The following XKR5 variants were observed in gnomAD, a reference collection of about 807,000 sequenced individuals.
XKR5 encodes the protein XK-related protein 5.
XKR5 carries 46 observed loss-of-function variants against 40.8 expected under a neutral mutation model. That is an observed-to-expected ratio of 1.13 (90% CI 0.89 to 1.44). The LOEUF is 1.44. Ranked by LOEUF, XKR5 falls within the 40% of genes most tolerant of loss-of-function variation. XKR5 has a pLI of 0.00. For synonymous variants in XKR5, 466 were observed against 356.1 expected, an observed-to-expected ratio of 1.31 and a Z score of -3.48; for missense variants, 1,169 against 844.7, an observed-to-expected ratio of 1.38 and a Z score of -4.76.
chr8:6,832,470 AAG>A (rs1340987380), intron 2 of XKR5, among the ~76,000 whole-genome samples: 1 of 152,206 alleles, frequency 6.6e-6, no homozygotes, highest in Non-Finnish European at 1.5e-5. Flanking sequence ...ATCTGAAGAC[AAG>A]AAAAAGCCTT....
In XKR5 at chr8:6,815,464, C is replaced by T. The variant is rs527245924; in HGVS notation, c.919+343G>A. Among the ~76,000 whole-genome samples the T allele has an allele frequency of 5.3e-5, 8 of 152,190 alleles. 1 individual carries two copies. Among genetic ancestry groups the T allele is most frequent in the African/African-American group, 1.9e-4 (8 of 41,530 alleles). ...GCTTGTCTATGGGCTGCAGGGGGTG[C>T]CATGTCAGGAAGATGTGAGGAGCTC... is the stretch of plus-strand genomic sequence containing the variant. On this transcript the variant is annotated intron_variant, in intron 6 of 6. Transcript: ENST00000618742.
At chr8:6,834,748 C>A (rs765731826) in intron 1 of XKR5, among the ~76,000 whole-genome samples, 2 of 152,342 alleles carry the variant, frequency 1.3e-5, no homozygotes, top group East Asian at 3.9e-4. Flanking sequence ...GACGCTCCTC[C>A]CGGCACTGAA....
At chr8:6,824,606 C>G (rs372539469) in intron 3 of XKR5, among the ~76,000 whole-genome samples, 4 of 152,188 alleles carry the variant, frequency 2.6e-5, no homozygotes, top group Admixed American at 6.5e-5. Flanking sequence ...TCATGACTCA[C>G]TGCAGCCTCA....
intron 2 of XKR5, among the ~76,000 whole-genome samples, chr8:6,826,273 T>G (rs984133532): frequency 6.6e-6 from 1 of 152,230 alleles, no homozygotes; most frequent in South Asian, 2.1e-4. Flanking sequence ...TGCATGAAGG[T>G]ATATGTGTGT....
chr8:6,812,376 T>C (rs190124498), intron 6 of XKR5, 37 bp from the exon 7 acceptor site: 2 of 1,497,860 alleles, frequency 1.3e-6, no homozygotes, highest in East Asian at 4.9e-5. Flanking sequence ...GTTATGTTCT[T>C]TGAAGTCTGC....
intron 6 of XKR5, among the ~76,000 whole-genome samples, chr8:6,813,438 T>C (rs1803824123): frequency 6.6e-6 from 1 of 152,026 alleles, no homozygotes; most frequent in South Asian, 2.1e-4. Flanking sequence ...AACACAATCT[T>C]TCCAGAGGCC....
At chr8:6,831,179 TG>T (rs1380774992) in intron 2 of XKR5, among the ~76,000 whole-genome samples, 1 of 152,186 alleles carries the variant, frequency 6.6e-6, no homozygotes, top group Non-Finnish European at 1.5e-5. Flanking sequence ...GATTGATTAC[TG>T]GGCTGGGCCG....
chr8:6,823,853 C>T lies in XKR5; in HGVS notation c.428-123G>A, dbSNP rs1017373278. The T allele has an allele frequency of 6.0e-6, 5 of 839,578 alleles. No homozygotes were observed. In the South Asian group the frequency reaches 8.3e-5, roughly 14 times the overall value. 52.0% of individuals were successfully genotyped at this position (839,578 alleles called of 1,614,324 possible). On this transcript the variant is annotated intron_variant, in intron 3 of 6. Coordinates refer to ENST00000618742, the MANE Select transcript of XKR5 (RefSeq NM_207411.5). The stretch of plus-strand genomic sequence containing the variant: ...AACCTCTTGTTAAAGCCTGGCTGCA[C>T]AGAGAGTATTACTAACCCACCACTT...
chr8:6,821,894 C>T lies in XKR5; in HGVS notation c.782G>A (p.Arg261Lys), dbSNP rs1477057772. Residue 261 changes from arginine to lysine, a missense_variant, in exon 5 of 7, where the codon AGA becomes AAA. By Grantham distance (26) the Arg-to-Lys change is conservative. Transcript: ENST00000618742. ...CYLSFWDSPS[R>K]NRMVTFYMVM... ...CATGTAGAACGTGACCATCCTATTT[C>T]TAGAAGGGCTGTCCCAGAAGCTGAG... is the stretch of plus-strand genomic sequence containing the variant. The T allele has an allele frequency of 1.9e-6, 3 of 1,613,336 alleles. No homozygotes were observed. The highest frequency in any genetic ancestry group is 1.3e-5 in the African/African-American group (1 of 74,898).
In XKR5 at chr8:6,811,312, T is replaced by C. The variant is rs1420302304; in HGVS notation, c.1947A>G (p.Pro649=). Residue 649 remains proline (P), a synonymous_variant, in exon 7 of 7, where the codon CCA becomes CCG. Transcript: ENST00000618742. ...AGGGCTCATGGGCAGTCCTCAGCTG[T>C]GGCAATGACACCCACACACCAACAG... ...HAAVGVWVSL[P]QLRTAHEPCL... 1 of 1,537,320 alleles carries C rather than the reference T, an allele frequency of 6.5e-7. No individual in the cohort carries two copies. Among genetic ancestry groups the C allele is most frequent in the South Asian group, 1.2e-5 (1 of 84,054 alleles).
rs1339038492 is a variant in XKR5, at chr8:6,810,474, AG to A, written c.*723del. The stretch of plus-strand genomic sequence containing the variant: ...ACTCTTGGCTGGCCAGCCTGCACAA[AG>A]GGGAGCAGCACATTTCACAGAAAAA... On this transcript the variant is annotated 3_prime_UTR_variant, in exon 7 of 7. Transcript: ENST00000618742. 4.6e-5 allele frequency: 7 copies of A among 152,232 alleles called. No homozygotes were observed. Among genetic ancestry groups the A allele is most frequent in the Non-Finnish European group, 5.9e-5 (4 of 68,060 alleles). 9.4% of individuals were successfully genotyped at this position (152,232 alleles called of 1,614,324 possible). A position where few individuals can be genotyped will look rare whatever the true frequency, so the allele number is the denominator to read the frequency against.
At chr8:6,826,895 G>A (rs1053608658) in intron 2 of XKR5, among the ~76,000 whole-genome samples, 13 of 152,144 alleles carry the variant, frequency 8.5e-5, no homozygotes, top group African/African-American at 3.1e-4. Context: ...CCAGGGCCAC[G>A]GGGACACATC....
chr8:6,826,947 G>C (rs1433800050), intron 2 of XKR5, among the ~76,000 whole-genome samples: 1 of 152,174 alleles, frequency 6.6e-6, no homozygotes. Context: ...TCTCGGAAAA[G>C]GAATCAAGCA....
intron 2 of XKR5, among the ~76,000 whole-genome samples, chr8:6,830,593 T>G (rs185722543): frequency 1.3e-4 from 20 of 152,372 alleles, no homozygotes; most frequent in African/African-American, 4.8e-4. Flanking sequence ...TTCTAACATT[T>G]CATCTCGATA....
chr8:6,818,384 C>G (rs900744759), intron 5 of XKR5, among the ~76,000 whole-genome samples: 1 of 152,228 alleles, frequency 6.6e-6, no homozygotes, highest in Non-Finnish European at 1.5e-5. Flanking sequence ...CGTCACTTCT[C>G]TGATCACAGT....
At chr8:6,821,818 C>A in intron 5 of XKR5, 51 bp downstream of exon 5, 7 of 1,549,720 alleles carry the variant, frequency 4.5e-6, no homozygotes, top group Non-Finnish European at 6.2e-6. Flanking sequence ...CACACACACC[C>A]CACTTGCTGT....
chr8:6,825,775 A>G (rs1006615193), intron 2 of XKR5, among the ~76,000 whole-genome samples: 5 of 152,170 alleles, frequency 3.3e-5, no homozygotes, highest in African/African-American at 1.2e-4. Flanking sequence ...TTTGAAGGAC[A>G]AAAAGTAGAA....
intron 2 of XKR5, among the ~76,000 whole-genome samples, chr8:6,828,699 G>T (rs546687487): frequency 6.6e-6 from 1 of 152,162 alleles, no homozygotes; most frequent in Non-Finnish European, 1.5e-5. Flanking sequence ...TGCCTGCATG[G>T]ACCCCGTCCC....
chr8:6,820,989 A>G (rs1804205053), intron 5 of XKR5, among the ~76,000 whole-genome samples: 1 of 152,138 alleles, frequency 6.6e-6, no homozygotes, highest in East Asian at 1.9e-4. Context: ...ATATTATTTT[A>G]TTTGGTCTTT....
Sources: gnomAD v4.1 joint callset for allele counts (sites outside exome capture counted in the v4.1 genomes callset) on GRCh38, gnomAD v4.1.1 for gene constraint, MANE v1.5 for transcripts, NCBI Gene and HGNC (gene_info 2026-07-23, HGNC 2026-07-21) for gene names.